LMO7: variants seen among roughly 807,000 people sequenced by gnomAD.
The protein encoded by LMO7 is LIM domain 7.
LMO7 carries 120 observed loss-of-function variants against 206.5 expected under a neutral mutation model. The observed-to-expected ratio is 0.58, with a 90% CI of 0.50 to 0.68. The LOEUF is 0.68. Ranked by LOEUF, LMO7 falls within the 30% of genes least tolerant of loss-of-function variation. LMO7 has a pLI of 0.00. For missense variants in LMO7, 1,959 were observed against 1,957.9 expected, an observed-to-expected ratio of 1.00 and a Z score of -0.01; for synonymous variants, 706 against 681.5, an observed-to-expected ratio of 1.04 and a Z score of -0.56.
chr13:75,712,932 A>G (rs1321988282), intron 1 of LMO7, among the ~76,000 whole-genome samples: 2 of 149,876 alleles, frequency 1.3e-5, no homozygotes, highest in African/African-American at 2.5e-5. Context: ...TAAAATGATT[A>G]TATTACTGAA....
At chr13:75,693,428 T>C (rs968352324) in intron 1 of LMO7, among the ~76,000 whole-genome samples, 1 of 151,772 alleles carries the variant, frequency 6.6e-6, no homozygotes, top group African/African-American at 2.4e-5. Flanking sequence ...TGTGTGGATC[T>C]CCCCTGTCTG....
chr13:75,659,322 A>G (rs1025982513), intron 1 of LMO7, among the ~76,000 whole-genome samples: 5 of 152,186 alleles, frequency 3.3e-5, no homozygotes, highest in Admixed American at 2.6e-4. Context: ...CAATCCATTA[A>G]TGTGGTGAAA....
intron 4 of LMO7, chr13:75,788,748 T>G (rs1048014954): frequency 1.3e-5 from 2 of 152,268 alleles, no homozygotes; most frequent in Non-Finnish European, 2.9e-5. Context: ...AAGTATCTTG[T>G]GAGCCCAGCT....
intron 4 of LMO7, among the ~76,000 whole-genome samples, chr13:75,774,133 T>C (rs2050087036): frequency 6.6e-6 from 1 of 152,176 alleles, no homozygotes; most frequent in Non-Finnish European, 1.5e-5. Context: ...CTATTTTGTT[T>C]ACAGCTTGAG....
chr13:75,649,409 T>A (rs1301704810), intron 1 of LMO7, among the ~76,000 whole-genome samples: 1 of 152,134 alleles, frequency 6.6e-6, no homozygotes, highest in Non-Finnish European at 1.5e-5. Flanking sequence ...GCACTGATTT[T>A]ATGAAAGATA....
At chr13:75,625,624 G>A (rs1044535008) in intron 2 of LMO7, among the ~76,000 whole-genome samples, 2 of 152,192 alleles carry the variant, frequency 1.3e-5, no homozygotes, top group African/African-American at 2.4e-5. Context: ...TTTCAGTTAC[G>A]TGAGTTTGGA....
chr13:75,662,028 A>G (rs973147387), intron 1 of LMO7, among the ~76,000 whole-genome samples: 5 of 152,158 alleles, frequency 3.3e-5, no homozygotes, highest in Middle Eastern at 3.2e-3. Context: ...TGTTAGGTAA[A>G]AAAGTGACAG....
intron 29 of LMO7, 49 bp downstream of exon 29, chr13:75,855,417 A>T: frequency 8.0e-7 from 1 of 1,255,258 alleles, no homozygotes; most frequent in Non-Finnish European, 1.2e-6. Flanking sequence ...TTGCTTGGAG[A>T]GCGCATGGCT....
At chr13:75,798,923 A>G (rs915773002) in intron 6 of LMO7, among the ~76,000 whole-genome samples, 3 of 152,238 alleles carry the variant, frequency 2.0e-5, no homozygotes, top group Non-Finnish European at 4.4e-5. Flanking sequence ...GTTGAACTCT[A>G]AGGCCTTAAC....
At chr13:75,779,710 T>G (rs2051028988) in intron 4 of LMO7, among the ~76,000 whole-genome samples, 1 of 152,114 alleles carries the variant, frequency 6.6e-6, no homozygotes, top group Admixed American at 6.5e-5. Context: ...AATGGAAAAA[T>G]TGACATAACG....
At chr13:75,695,401 G>A (rs535422192) in intron 1 of LMO7, among the ~76,000 whole-genome samples, 14 of 152,214 alleles carry the variant, frequency 9.2e-5, no homozygotes, top group Admixed American at 7.2e-4. Flanking sequence ...TCGCTCTGTC[G>A]CCCAGGCTGG....
chr13:75,834,439 T>C, intron 17 of LMO7, 52 bp downstream of exon 17: 1 of 1,366,274 alleles, frequency 7.3e-7, no homozygotes. Flanking sequence ...ACCTGGCCGT[T>C]GGCAAGTGGT....
chr13:75,675,888 GCACACACA>G lies in LMO7; in HGVS notation c.70-37272_70-37265del, dbSNP rs3036374. Among the ~76,000 whole-genome samples the G allele has an allele frequency of 3.8e-3, 578 of 150,766 alleles. 7 individuals are homozygous for G. The highest frequency in any genetic ancestry group is 0.012 in the African/African-American group (490 of 40,998). On this transcript the variant is annotated intron_variant, in intron 1 of 30. Coordinates refer to ENST00000377534, the MANE Select transcript of LMO7 (RefSeq NM_001306080.2). The stretch of plus-strand genomic sequence containing the variant: ...CCTTGTAAAACGCGTGCACGAGCGT[GCACACACA>G]CACACACACACACACACACACGTCA...
In LMO7 at chr13:75,808,023, A is replaced by T. The variant is rs748023288; in HGVS notation, c.1740A>T (p.Ser580=). ...ATAGCTGTAGAATATTAGTTCCTTC[A>T]TATCGGCAGAAGAAAGATGACATGC... ...KSNSCRILVP[S]YRQKKDDMLT... is the part of the protein sequence containing the mutation. Residue 580 remains serine (S), a synonymous_variant, in exon 10 of 31, where the codon TCA becomes TCT. Coordinates refer to ENST00000377534, the MANE Select transcript of LMO7 (RefSeq NM_001306080.2). 1 of 1,613,968 alleles carries T rather than the reference A, an allele frequency of 6.2e-7. No homozygotes were observed. Among genetic ancestry groups the T allele is most frequent in the East Asian group, 2.2e-5 (1 of 44,882 alleles).
At chr13:75,799,690 T>G (rs12428617) in intron 6 of LMO7, among the ~76,000 whole-genome samples, 15,929 of 152,206 alleles carry the variant, frequency 0.1, 1,174 homozygotes, top group East Asian at 0.21. Context: ...GTCTCTGTAT[T>G]AGTAAGCTCA....
chr13:75,698,276 AT>A (rs1041289307), intron 1 of LMO7, among the ~76,000 whole-genome samples: 50 of 152,100 alleles, frequency 3.3e-4, no homozygotes, highest in African/African-American at 1.1e-3. Flanking sequence ...TGTGAAAAAA[AT>A]ATAAATACAT....
chr13:75,848,845 T>C, intron 26 of LMO7: 1 of 440,372 alleles, frequency 2.3e-6, no homozygotes, highest in Non-Finnish European at 4.1e-6. Context: ...CTGATTTCCA[T>C]AGTGGTTGTA....
intron 25 of LMO7, among the ~76,000 whole-genome samples, chr13:75,844,827 T>C (rs2059858793): frequency 1.3e-5 from 2 of 152,330 alleles, no homozygotes; most frequent in East Asian, 1.9e-4. Flanking sequence ...AAGTTGACTG[T>C]GCTGTATGCT....
chr13:75,709,260 G>C (rs9544030), intron 1 of LMO7, among the ~76,000 whole-genome samples: 30,904 of 147,182 alleles, frequency 0.21, 3,704 homozygotes, highest in Non-Finnish European at 0.28. Context: ...ATAAACATAC[G>C]TGTGCATGTG....
Sources: allele counts gnomAD v4.1 joint callset (sites outside exome capture counted in the v4.1 genomes callset), GRCh38; gene constraint gnomAD v4.1.1; transcripts MANE v1.5; gene names NCBI Gene and HGNC (gene_info 2026-07-23, HGNC 2026-07-21).